Variants in CTNNA3 observed in about 807,000 individuals in gnomAD.
CTNNA3 encodes the protein catenin alpha-3.
CTNNA3 carries 76 observed loss-of-function variants against 95.7 expected under a neutral mutation model. That is an observed-to-expected ratio of 0.79 (90% CI 0.66 to 0.96). CTNNA3 has a LOEUF of 0.96. Ranked by LOEUF, CTNNA3 falls within the 40% of genes least tolerant of loss-of-function variation. The probability of loss-of-function intolerance (pLI) is 0.00; values close to 1 mark genes in which losing one functional copy is unlikely to be tolerated. For synonymous variants in CTNNA3, 431 were observed against 374.4 expected, an observed-to-expected ratio of 1.15 and a Z score of -1.74; for missense variants, 1,191 against 1,089.8, an observed-to-expected ratio of 1.09 and a Z score of -1.31.
At chr10:66,777,704 T>G (rs1840360260) in intron 7 of CTNNA3, among the ~76,000 whole-genome samples, 2 of 150,806 alleles carry the variant, frequency 1.3e-5, no homozygotes, top group Non-Finnish European at 2.9e-5. Flanking sequence ...CGCTTTCCAC[T>G]TCATGAAAGC....
intron 5 of CTNNA3, among the ~76,000 whole-genome samples, chr10:67,437,815 T>C (rs188733999): frequency 3.5e-3 from 531 of 152,006 alleles, no homozygotes; most frequent in Admixed American, 7.4e-3. Context: ...AATGGTAAAA[T>C]AAGCCTATAA....
chr10:67,241,413 A>G (rs1865713544), intron 5 of CTNNA3, among the ~76,000 whole-genome samples: 1 of 151,154 alleles, frequency 6.6e-6, no homozygotes, highest in Non-Finnish European at 1.5e-5. Flanking sequence ...ACAGAGTGAG[A>G]CTGTTTCAAA....
chr10:67,243,682 A>AGGTTCCACT (rs1172568395), intron 5 of CTNNA3, among the ~76,000 whole-genome samples: 16 of 152,274 alleles, frequency 1.1e-4, no homozygotes, highest in African/African-American at 3.8e-4. Context: ...AGAATCCATG[A>AGGTTCCACT]GGTTCCACTG....
intron 7 of CTNNA3, among the ~76,000 whole-genome samples, chr10:67,132,369 A>T (rs1318401365): frequency 6.6e-6 from 1 of 152,092 alleles, no homozygotes; most frequent in Non-Finnish European, 1.5e-5. Context: ...ATCAAGAAAG[A>T]AAATGGAAAG....
At chr10:67,670,426 A>G (rs1211675087) in intron 1 of CTNNA3, among the ~76,000 whole-genome samples, 1 of 152,248 alleles carries the variant, frequency 6.6e-6, no homozygotes, top group Non-Finnish European at 1.5e-5. Context: ...AAATTTTCCA[A>G]AATATAACTG....
At chr10:67,621,603 G>T (rs375796991) in intron 2 of CTNNA3, among the ~76,000 whole-genome samples, 1 of 152,046 alleles carries the variant, frequency 6.6e-6, no homozygotes, top group Admixed American at 6.6e-5. Flanking sequence ...CAAAAAATTA[G>T]CTGGGCATGA....
chr10:66,290,864 C>A (rs1348391295), intron 12 of CTNNA3, among the ~76,000 whole-genome samples: 1 of 152,058 alleles, frequency 6.6e-6, no homozygotes, highest in African/African-American at 2.4e-5. Flanking sequence ...GTTTATCAGG[C>A]AAAAGAACTT....
chr10:67,574,514 T>C (rs1842080309), intron 3 of CTNNA3, among the ~76,000 whole-genome samples: 1 of 152,028 alleles, frequency 6.6e-6, no homozygotes, highest in South Asian at 2.1e-4. Context: ...ACTTCTGCAT[T>C]CCACCTTTCC....
At chr10:67,615,216 C>G (rs1843609528) in intron 2 of CTNNA3, among the ~76,000 whole-genome samples, 1 of 152,044 alleles carries the variant, frequency 6.6e-6, no homozygotes, top group Non-Finnish European at 1.5e-5. Flanking sequence ...GATAAACAAC[C>G]ACTGCTAACA....
chr10:66,405,157 G>T (rs1165730799), intron 11 of CTNNA3, among the ~76,000 whole-genome samples: 2 of 152,024 alleles, frequency 1.3e-5, no homozygotes, highest in African/African-American at 4.8e-5. Context: ...AGATTCCAGT[G>T]AATTTATTTG....
chr10:66,978,067 TACACACACAC>T (rs3056586), intron 7 of CTNNA3, among the ~76,000 whole-genome samples: 7 of 113,998 alleles, frequency 6.1e-5, no homozygotes, highest in Non-Finnish European at 1.2e-4. Flanking sequence ...TATATATATA[TACACACACAC>T]ACACACACAC....
intron 12 of CTNNA3, among the ~76,000 whole-genome samples, chr10:66,318,288 G>A (rs1466841118): frequency 1.3e-5 from 2 of 151,314 alleles, no homozygotes; most frequent in Non-Finnish European, 3.0e-5. Flanking sequence ...GTGTGTGTGT[G>A]TGTGTGTGTG....
intron 5 of CTNNA3, among the ~76,000 whole-genome samples, chr10:67,266,836 A>G (rs1355764535): frequency 6.6e-6 from 1 of 152,230 alleles, no homozygotes; most frequent in Non-Finnish European, 1.5e-5. Context: ...AAAAAAGTTA[A>G]ATAGTGAGGT....
intron 11 of CTNNA3, among the ~76,000 whole-genome samples, chr10:66,466,241 C>T (rs1838906049): frequency 6.6e-6 from 1 of 151,866 alleles, no homozygotes; most frequent in Admixed American, 6.6e-5. Context: ...ATATTCTGGG[C>T]TTGCCAGTCT....
At chr10:67,723,543 C>T (rs182771707) in intron 1 of CTNNA3, among the ~76,000 whole-genome samples, 97 of 152,294 alleles carry the variant, frequency 6.4e-4, no homozygotes, top group African/African-American at 2.0e-3. Flanking sequence ...ATCTGCCTGC[C>T]TCAGCCTCCC....
chr10:67,513,776 G>A (rs974653913), intron 5 of CTNNA3, among the ~76,000 whole-genome samples: 4 of 152,186 alleles, frequency 2.6e-5, no homozygotes, highest in Admixed American at 6.5e-5. Context: ...TCTGCAGCCA[G>A]TCCAATCTCA....
chr10:67,682,102 G>A (rs1840636201), intron 1 of CTNNA3, among the ~76,000 whole-genome samples: 1 of 151,190 alleles, frequency 6.6e-6, no homozygotes, highest in South Asian at 2.1e-4. Flanking sequence ...AGGTTGCAGT[G>A]AGCCGAGATT....
intron 12 of CTNNA3, among the ~76,000 whole-genome samples, chr10:66,310,868 A>G (rs2132258903): frequency 6.6e-6 from 1 of 151,974 alleles, no homozygotes; most frequent in Non-Finnish European, 1.5e-5. Flanking sequence ...TATTTTTAGT[A>G]GAGACGGGGT....
intron 7 of CTNNA3, among the ~76,000 whole-genome samples, chr10:66,978,051 CACATAT>C (rs79645754): frequency 4.1e-4 from 46 of 113,346 alleles, no homozygotes; most frequent in South Asian, 3.9e-3. Flanking sequence ...AATTTGCACA[CACATAT>C]ATATATATAT....
Sources: allele counts gnomAD v4.1 joint callset (sites outside exome capture counted in the v4.1 genomes callset), GRCh38; gene constraint gnomAD v4.1.1; transcripts MANE v1.5; gene names NCBI Gene and HGNC (gene_info 2026-07-23, HGNC 2026-07-21).